Variants in EXOC2 observed in about 807,000 individuals in gnomAD.
The protein encoded by EXOC2 is SEC5-like 1.
Under a neutral mutation model 131.8 loss-of-function variants are expected in EXOC2, and 70 were observed. The ratio of observed to expected loss-of-function variants is 0.53; its 90% CI spans 0.44 to 0.65. EXOC2 has a LOEUF of 0.65. EXOC2 is among the 30% of genes least tolerant of loss of function. The probability of loss-of-function intolerance (pLI) is 0.00; values close to 1 mark genes in which losing one functional copy is unlikely to be tolerated. For missense variants in EXOC2, 923 were observed against 1,108.6 expected (o/e 0.83, Z 2.38); for synonymous variants, 411 against 398.4 (o/e 1.03, Z -0.38).
At chr6:638,489 G>GTAAAT in intron 1 of EXOC2, among the ~76,000 whole-genome samples, 1 of 152,170 alleles carries the variant, frequency 6.6e-6, no homozygotes, top group Non-Finnish European at 1.5e-5. Flanking sequence ...AAGTACTGCT[G>GTAAAT]CTCCCATTTA....
intron 4 of EXOC2, among the ~76,000 whole-genome samples, chr6:624,220 A>G (rs1055461901): frequency 6.6e-6 from 1 of 152,226 alleles, no homozygotes; most frequent in Non-Finnish European, 1.5e-5. Context: ...CACAGCTGCA[A>G]AAGTACAGGT....
intron 1 of EXOC2, among the ~76,000 whole-genome samples, chr6:672,765 C>T (rs1763929480): frequency 6.6e-6 from 1 of 152,162 alleles, no homozygotes; most frequent in Non-Finnish European, 1.5e-5. Flanking sequence ...GTCTGTTTAG[C>T]TTTTTCCTTA....
At chr6:487,182 CCCCTGCTG>C (rs1254782155) in intron 27 of EXOC2, among the ~76,000 whole-genome samples, 8 of 152,214 alleles carry the variant, frequency 5.3e-5, no homozygotes, top group Non-Finnish European at 1.2e-4. Context: ...TGCACCCTTT[CCCCTGCTG>C]CCCCTCTAGT....
intron 4 of EXOC2, among the ~76,000 whole-genome samples, chr6:629,553 C>A (rs1761740897): frequency 6.6e-6 from 1 of 152,162 alleles, no homozygotes; most frequent in Non-Finnish European, 1.5e-5. Flanking sequence ...TTAAACTTAA[C>A]CATCTCTAGA....
intron 6 of EXOC2, among the ~76,000 whole-genome samples, chr6:611,434 G>C (rs1466643900): frequency 6.6e-6 from 1 of 152,184 alleles, no homozygotes; most frequent in Admixed American, 6.5e-5. Flanking sequence ...GTCAAAATTA[G>C]CATTAAAGGA....
At chr6:578,593 TTAGA>T (rs2127602967) in intron 11 of EXOC2, among the ~76,000 whole-genome samples, 1 of 152,350 alleles carries the variant, frequency 6.6e-6, no homozygotes, top group South Asian at 2.1e-4. Context: ...CTGGTAGGTC[TTAGA>T]TAAATAGAAA....
intron 1 of EXOC2, among the ~76,000 whole-genome samples, chr6:654,385 T>C (rs538504397): frequency 6.6e-6 from 1 of 152,100 alleles, no homozygotes; most frequent in Non-Finnish European, 1.5e-5. Context: ...GAGGTAAAAA[T>C]ATCAACATTA....
chr6:674,773 T>G (rs542507145), intron 1 of EXOC2, among the ~76,000 whole-genome samples: 1 of 152,198 alleles, frequency 6.6e-6, no homozygotes, highest in Non-Finnish European at 1.5e-5. Context: ...TTTGACATTT[T>G]GGAGCCTGTG....
intron 1 of EXOC2, among the ~76,000 whole-genome samples, chr6:689,510 C>T (rs536488756): frequency 8.3e-4 from 127 of 152,342 alleles, no homozygotes; most frequent in African/African-American, 2.8e-3. Flanking sequence ...GGTGTTCACA[C>T]GCCTTCCTTC....
intron 9 of EXOC2, among the ~76,000 whole-genome samples, chr6:598,400 C>A (rs1476674216): frequency 6.6e-6 from 1 of 152,158 alleles, no homozygotes; most frequent in African/African-American, 2.4e-5. Flanking sequence ...TTACAGATTT[C>A]ATTTTTAAAT....
chr6:576,824 C>G lies in EXOC2; in HGVS notation c.1251G>C (p.Val417=). 6.2e-7 allele frequency: 1 copy of G among 1,614,124 alleles called. No homozygotes were observed. The highest frequency in any genetic ancestry group is 1.1e-5 in the South Asian group (1 of 91,066). Residue 417 remains valine (V), a synonymous_variant, in exon 12 of 28, where the codon GTG becomes GTC. Transcript: ENST00000230449. ...LDLDNDTRPS[V]LGHLSQTASL... ...ACGCTGTCTGACTGAGATGGCCCAA[C>G]ACTGAGGGACGTGTATCATTATCAA...
intron 23 of EXOC2, among the ~76,000 whole-genome samples, chr6:511,131 C>G (rs142137393): frequency 1.3e-5 from 2 of 152,184 alleles, no homozygotes; most frequent in Non-Finnish European, 2.9e-5. Context: ...TGTGGCTACA[C>G]GAGTGAATGC....
At chr6:536,637 C>T (rs979910175) in intron 22 of EXOC2, among the ~76,000 whole-genome samples, 9 of 152,066 alleles carry the variant, frequency 5.9e-5, no homozygotes, top group African/African-American at 2.2e-4. Context: ...TACTTGATAT[C>T]AAGACTGACT....
chr6:518,754 T>A (rs1441456165), intron 23 of EXOC2, among the ~76,000 whole-genome samples: 3 of 152,160 alleles, frequency 2.0e-5, no homozygotes, highest in Non-Finnish European at 4.4e-5. Flanking sequence ...GTTGTTTTCT[T>A]AAAAAAAGAT....
chr6:485,216 T>G lies in EXOC2; in HGVS notation c.*1455A>C, dbSNP rs922499573. On this transcript the variant is annotated 3_prime_UTR_variant, in exon 28 of 28. Transcript: ENST00000230449. ...TAGATATTTAAAATATCACAAACATTCATGATTGCAGTTTTTAAACTTAGC... is the reference window on the plus strand; with the variant it reads ...TAGATATTTAAAATATCACAAACATGCATGATTGCAGTTTTTAAACTTAGC... The G allele has an allele frequency of 6.6e-6, 1 of 152,238 alleles. No homozygotes were observed. The highest frequency in any genetic ancestry group is 1.5e-5 in the Non-Finnish European group (1 of 68,048). 9.4% of individuals were successfully genotyped at this position (152,238 alleles called of 1,614,324 possible).
chr6:632,924 C>T lies in EXOC2; in HGVS notation c.295+17G>A. 6.3e-7 allele frequency: 1 copy of T among 1,594,802 alleles called. No individual in the cohort carries two copies. Among genetic ancestry groups the T allele is most frequent in the South Asian group, 1.1e-5 (1 of 88,846 alleles). ...TTTTTACTTTCTTCTTTAGAATAAA[C>T]CCATGAAAGACTTTACCTATTTTCT... On this transcript the variant is annotated intron_variant, in intron 3 of 27. Transcript: ENST00000230449.
chr6:564,497 T>TA (rs372293083), intron 15 of EXOC2, 48 bp downstream of exon 15: 223 of 1,599,358 alleles, frequency 1.4e-4, no homozygotes, highest in African/African-American at 1.0e-3. Flanking sequence ...TCCAAAAAGT[T>TA]AAAAAAAACA....
chr6:690,779 A>T (rs951139986), intron 1 of EXOC2, among the ~76,000 whole-genome samples: 4 of 152,234 alleles, frequency 2.6e-5, no homozygotes, highest in Non-Finnish European at 1.5e-5. Context: ...ATAATTTTTG[A>T]CTAATATAAA....
At chr6:682,435 C>T (rs1259094528) in intron 1 of EXOC2, among the ~76,000 whole-genome samples, 2 of 152,044 alleles carry the variant, frequency 1.3e-5, no homozygotes, top group South Asian at 2.1e-4. Context: ...CTCCTGACCT[C>T]GTGATCTGCC....
Sources: gnomAD v4.1 joint callset for allele counts (sites outside exome capture counted in the v4.1 genomes callset) on GRCh38, gnomAD v4.1.1 for gene constraint, MANE v1.5 for transcripts, NCBI Gene and HGNC (gene_info 2026-07-23, HGNC 2026-07-21) for gene names.